The following GALNT1 variants were observed in gnomAD, a reference collection of about 807,000 sequenced individuals.
The protein encoded by GALNT1 is polypeptide N-acetylgalactosaminyltransferase 1.
A neutral mutation model predicts 65.7 loss-of-function variants in GALNT1; 17 were observed. The ratio of observed to expected loss-of-function variants is 0.26; its 90% CI spans 0.18 to 0.39. The LOEUF (loss-of-function observed/expected upper bound fraction) is 0.39. Among genes scored for constraint, GALNT1 ranks in the 10% least tolerant of loss-of-function variants. GALNT1 has a pLI of 1.00. For missense variants in GALNT1, 460 were observed against 672.8 expected (o/e 0.68, Z 3.50); for synonymous variants, 210 against 219.7 (o/e 0.96, Z 0.39).
chr18:35,642,927 T>C (rs1323529144), intron 1 of GALNT1, among the ~76,000 whole-genome samples: 2 of 151,868 alleles, frequency 1.3e-5, no homozygotes, highest in Non-Finnish European at 2.9e-5. Context: ...TTGGCCACAT[T>C]GTTTTTGGCT....
chr18:35,607,604 G>C (rs1018519571), intron 1 of GALNT1, among the ~76,000 whole-genome samples: 3 of 152,146 alleles, frequency 2.0e-5, no homozygotes, highest in African/African-American at 7.2e-5. Flanking sequence ...GGGCTGGTAT[G>C]GTGGCTCCAT....
chr18:35,665,030 C>A (rs1052792263), intron 3 of GALNT1, among the ~76,000 whole-genome samples: 5 of 152,232 alleles, frequency 3.3e-5, no homozygotes, highest in Non-Finnish European at 5.9e-5. Context: ...CCTGATCACC[C>A]TTATGGAAAC....
intron 9 of GALNT1, among the ~76,000 whole-genome samples, chr18:35,694,872 T>C (rs1177473135): frequency 2.6e-5 from 4 of 152,198 alleles, no homozygotes; most frequent in African/African-American, 9.7e-5. Context: ...TGCTACAACA[T>C]GGATGAACCT....
chr18:35,636,756 T>G (rs1171900550), intron 1 of GALNT1, among the ~76,000 whole-genome samples: 6 of 151,684 alleles, frequency 4.0e-5, no homozygotes, highest in Admixed American at 1.3e-4. Flanking sequence ...TGTACTTTGT[T>G]TTATTGTACT....
At chr18:35,693,945 G>T (rs1422392125) in intron 9 of GALNT1, among the ~76,000 whole-genome samples, 2 of 152,174 alleles carry the variant, frequency 1.3e-5, no homozygotes, top group Non-Finnish European at 2.9e-5. Flanking sequence ...CAGCAAAAAA[G>T]ATTGAGAAGG....
intron 4 of GALNT1, among the ~76,000 whole-genome samples, chr18:35,682,564 C>T (rs1473678525): frequency 2.0e-5 from 3 of 152,004 alleles, no homozygotes; most frequent in Non-Finnish European, 2.9e-5. Context: ...CCAACCTGAT[C>T]GGAAAAATGT....
chr18:35,703,640 A>G lies in GALNT1; in HGVS notation c.1530A>G (p.Pro510=). 1 of 1,613,912 alleles carries G rather than the reference A, an allele frequency of 6.2e-7. No homozygotes were observed. Among genetic ancestry groups the G allele is most frequent in the South Asian group, 1.1e-5 (1 of 91,042 alleles). Residue 510 remains proline (P), a synonymous_variant, in exon 11 of 12, where the codon CCA becomes CCG. Transcript: ENST00000269195. ...GCAACCAACTCTGGGAGTATGACCCAGTGGTAAGTTATGCAGTTGCCTATA... is the reference window on the plus strand; with the variant it reads ...GCAACCAACTCTGGGAGTATGACCCGGTGGTAAGTTATGCAGTTGCCTATA... ...LKGNQLWEYD[P]VKLTLQHVNS...
At chr18:35,678,253 G>C (rs2047737655) in intron 4 of GALNT1, among the ~76,000 whole-genome samples, 1 of 152,078 alleles carries the variant, frequency 6.6e-6, no homozygotes, top group South Asian at 2.1e-4. Flanking sequence ...TAAGTTTCAG[G>C]AATGATCTAT....
intron 1 of GALNT1, among the ~76,000 whole-genome samples, chr18:35,643,192 G>A (rs961647962): frequency 3.3e-5 from 5 of 152,142 alleles, no homozygotes; most frequent in South Asian, 2.1e-4. Context: ...AAAGCAATAT[G>A]TGTGGCATTT....
chr18:35,585,530 A>G (rs1218447678), intron 1 of GALNT1, among the ~76,000 whole-genome samples: 1 of 152,176 alleles, frequency 6.6e-6, no homozygotes, highest in African/African-American at 2.4e-5. Context: ...CTATAGTACA[A>G]TTTCCAGACC....
At chr18:35,672,973 G>T (rs1389358804) in intron 3 of GALNT1, among the ~76,000 whole-genome samples, 5 of 152,164 alleles carry the variant, frequency 3.3e-5, no homozygotes, top group Non-Finnish European at 5.9e-5. Flanking sequence ...AGTAAGTGAC[G>T]CAAGTGAAAT....
chr18:35,590,802 G>C (rs528054784), intron 1 of GALNT1, among the ~76,000 whole-genome samples: 1 of 152,170 alleles, frequency 6.6e-6, no homozygotes, highest in Non-Finnish European at 1.5e-5. Context: ...AAAAAGGTAG[G>C]AAGGCAGCAC....
chr18:35,643,795 C>CA (rs77572232), intron 1 of GALNT1, among the ~76,000 whole-genome samples: 14,364 of 102,432 alleles, frequency 0.14, 916 homozygotes, highest in African/African-American at 0.24. Flanking sequence ...GAGACTGACT[C>CA]AAAAAAAAAA....
chr18:35,658,599 T>G (rs552575358), intron 2 of GALNT1, among the ~76,000 whole-genome samples: 3 of 152,232 alleles, frequency 2.0e-5, no homozygotes, highest in African/African-American at 7.2e-5. Flanking sequence ...TGTGGTGCAT[T>G]TGAAGAGATG....
At chr18:35,686,173 T>C (rs1348166239) in intron 5 of GALNT1, among the ~76,000 whole-genome samples, 1 of 152,218 alleles carries the variant, frequency 6.6e-6, no homozygotes, top group Non-Finnish European at 1.5e-5. Context: ...AGTCATAGAC[T>C]ACACATAGGA....
rs144403080 is a variant in GALNT1 at position 35,606,394 on chromosome 18, T to C, written c.-104+24532T>C. Among the ~76,000 whole-genome samples, 435 of 152,368 alleles carry C rather than the reference T, an allele frequency of 2.9e-3. 1 individual carries two copies. The highest frequency in any genetic ancestry group is 9.7e-3 in the African/African-American group (403 of 41,594). On this transcript the variant is annotated intron_variant, in intron 1 of 11. Transcript: ENST00000269195. ...ATTGTGAGAAATAGAAAATTTCACC[T>C]GTCTTTCAACTTGATGTATGACAGC...
At chr18:35,599,182 C>T (rs1207288954) in intron 1 of GALNT1, among the ~76,000 whole-genome samples, 2 of 151,828 alleles carry the variant, frequency 1.3e-5, no homozygotes, top group Non-Finnish European at 2.9e-5. Flanking sequence ...TATCTCTTCA[C>T]TTTGTTGTTT....
chr18:35,586,115 C>T (rs527409870), intron 1 of GALNT1, among the ~76,000 whole-genome samples: 10 of 152,284 alleles, frequency 6.6e-5, no homozygotes, highest in African/African-American at 1.4e-4. Context: ...TGAGGCACCA[C>T]GCCTGGCCTG....
At chr18:35,597,047 T>A (rs1200564204) in intron 1 of GALNT1, 1 of 152,224 alleles carries the variant, frequency 6.6e-6, no homozygotes, top group African/African-American at 2.4e-5. Context: ...TGGGAACAGA[T>A]TAGTGGAAAC....
Sources: allele counts gnomAD v4.1 joint callset (sites outside exome capture counted in the v4.1 genomes callset), GRCh38; gene constraint gnomAD v4.1.1; transcripts MANE v1.5; gene names NCBI Gene and HGNC (gene_info 2026-07-23, HGNC 2026-07-21).